CCDC192: variants seen among roughly 807,000 people sequenced by gnomAD.
CCDC192 encodes the protein coiled-coil domain containing 192, also known as coiled-coil domain-containing protein 192.
At chr5:127,875,988 G>C (rs1301621527) in intron 6 of CCDC192, among the ~76,000 whole-genome samples, 6 of 151,872 alleles carry the variant, frequency 4.0e-5, no homozygotes, top group Non-Finnish European at 8.8e-5. Flanking sequence ...GTGCCTGCAG[G>C]GACTGAGCTC....
chr5:127,845,286 G>A (rs1269619713), intron 5 of CCDC192, among the ~76,000 whole-genome samples: 1 of 152,134 alleles, frequency 6.6e-6, no homozygotes, highest in African/African-American at 2.4e-5. Context: ...AGTGAGAGTG[G>A]GCCGCCCTTT....
At chr5:127,793,741 T>C (rs187855506) in intron 3 of CCDC192, among the ~76,000 whole-genome samples, 2 of 152,364 alleles carry the variant, frequency 1.3e-5, no homozygotes, top group South Asian at 2.1e-4. Flanking sequence ...GCAGAATGCC[T>C]AGTATACTAT....
At chr5:127,773,910 C>A (rs1755705176) in intron 3 of CCDC192, among the ~76,000 whole-genome samples, 1 of 152,146 alleles carries the variant, frequency 6.6e-6, no homozygotes, top group African/African-American at 2.4e-5. Flanking sequence ...TTCTCCATAT[C>A]CTCAGCAACA....
At chr5:127,827,286 C>A (rs1281267087) in intron 5 of CCDC192, among the ~76,000 whole-genome samples, 1 of 152,144 alleles carries the variant, frequency 6.6e-6, no homozygotes, top group Non-Finnish European at 1.5e-5. Context: ...CAGTAGGCAC[C>A]AAGTACCCAT....
intron 6 of CCDC192, among the ~76,000 whole-genome samples, chr5:127,891,584 A>G (rs1752733915): frequency 6.6e-6 from 1 of 152,176 alleles, no homozygotes; most frequent in Non-Finnish European, 1.5e-5. Context: ...TATTTGCCTC[A>G]TCTCATGCAT....
chr5:127,779,223 A>G (rs1440179252), intron 3 of CCDC192, among the ~76,000 whole-genome samples: 1 of 152,180 alleles, frequency 6.6e-6, no homozygotes, highest in Non-Finnish European at 1.5e-5. Flanking sequence ...TCTGCATCAC[A>G]TAAGTTTTTT....
intron 6 of CCDC192, among the ~76,000 whole-genome samples, chr5:127,924,438 A>G (rs573720055): frequency 1.3e-4 from 20 of 152,326 alleles, no homozygotes; most frequent in South Asian, 8.3e-4. Context: ...CGTGCTGCCA[A>G]TTCCTAAGAT....
intron 2 of CCDC192, among the ~76,000 whole-genome samples, chr5:127,722,234 G>A (rs1022855538): frequency 5.9e-5 from 9 of 151,864 alleles, no homozygotes; most frequent in South Asian, 2.1e-4. Flanking sequence ...GCACTTCTTC[G>A]TATGGCTGTT....
chr5:127,847,854 T>TAAATAAAG (rs1750630126), intron 5 of CCDC192, among the ~76,000 whole-genome samples: 1 of 150,430 alleles, frequency 6.6e-6, no homozygotes, highest in East Asian at 2.0e-4. Flanking sequence ...AATAAATAAA[T>TAAATAAAG]ACATAAATAA....
chr5:127,880,023 A>C (rs1489567270), intron 6 of CCDC192, among the ~76,000 whole-genome samples: 1 of 152,182 alleles, frequency 6.6e-6, no homozygotes, highest in Non-Finnish European at 1.5e-5. Context: ...TGTGGAAGTC[A>C]GTGTGGCGAT....
chr5:127,847,844 A>AATAAATAAATAAATAC (rs1554080657), intron 5 of CCDC192, among the ~76,000 whole-genome samples: 35 of 151,198 alleles, frequency 2.3e-4, no homozygotes, highest in Middle Eastern at 3.4e-3. Context: ...TAAATAAATA[A>AATAAATAAATAAATAC]ATAAATAAAT....
rs375414722 is a variant in CCDC192 at position 127,941,108 on chromosome 5, T to C, written c.536-74T>C. ...TAAGAACGTGAGAAATGAAGCTTTTTCATTTTTCCTTGCTTTGACTTCTGG... is the reference window on the plus strand; with the variant it reads ...TAAGAACGTGAGAAATGAAGCTTTTCCATTTTTCCTTGCTTTGACTTCTGG... On this transcript the variant is annotated intron_variant, in intron 6 of 6. Coordinates refer to ENST00000514853, the MANE Select transcript of CCDC192 (RefSeq NM_001317938.2). 87 of 398,642 alleles carry C rather than the reference T, an allele frequency of 2.2e-4. No individual in the cohort carries two copies. In the South Asian group the frequency reaches 0.011, roughly 48 times the overall value. 24.7% of individuals were successfully genotyped at this position (398,642 alleles called of 1,614,324 possible).
At chr5:127,719,528 CACAT>C (rs1208126299) in intron 2 of CCDC192, among the ~76,000 whole-genome samples, 1 of 51,550 alleles carries the variant, frequency 1.9e-5, no homozygotes, top group Non-Finnish European at 3.4e-5. Context: ...TATATATACA[CACAT>C]ACATATATAT....
chr5:127,737,677 T>C (rs1000402039), intron 2 of CCDC192, among the ~76,000 whole-genome samples: 10 of 151,884 alleles, frequency 6.6e-5, no homozygotes, highest in Non-Finnish European at 8.8e-5. Flanking sequence ...CCCTTTACCA[T>C]TATGTAATGG....
At chr5:127,739,408 G>A (rs1174558753) in intron 2 of CCDC192, 3 of 152,252 alleles carry the variant, frequency 2.0e-5, no homozygotes, top group African/African-American at 7.2e-5. Flanking sequence ...GCCCCCAGGG[G>A]TGGAGCCTAC....
At chr5:127,767,550 A>G (rs1044876086) in intron 3 of CCDC192, among the ~76,000 whole-genome samples, 2 of 151,858 alleles carry the variant, frequency 1.3e-5, no homozygotes, top group Admixed American at 6.6e-5. Context: ...TTGCTTTTTG[A>G]CCTTTACCTT....
At chr5:127,927,553 T>G (rs1753896135) in intron 6 of CCDC192, among the ~76,000 whole-genome samples, 2 of 152,176 alleles carry the variant, frequency 1.3e-5, no homozygotes, top group Non-Finnish European at 2.9e-5. Context: ...TGAAAAGGCA[T>G]TAAGTAGCTT....
Position 127,835,207 on chromosome 5 carries a change from CAAAT to C in CCDC192, c.411+37050_411+37053del, listed in dbSNP as rs1398400237. Reference sequence around the variant, plus strand: ...AAATTTTACAGGAAATTTACATTCTCAAATAAATGTTATATTTATTGAAATTAAA... The same window carrying C: ...AAATTTTACAGGAAATTTACATTCTCAAATGTTATATTTATTGAAATTAAA... On this transcript the variant is annotated intron_variant, in intron 5 of 6. Transcript: ENST00000514853. Among the ~76,000 whole-genome samples the C allele has an allele frequency of 1.2e-4, 18 of 152,234 alleles. 1 individual carries two copies. In the South Asian group the frequency reaches 3.5e-3, roughly 30 times the overall value.
intron 1 of CCDC192, among the ~76,000 whole-genome samples, chr5:127,706,913 G>A (rs761444809): frequency 6.6e-6 from 1 of 152,196 alleles, no homozygotes; most frequent in African/African-American, 2.4e-5. Flanking sequence ...GGATGAGTAA[G>A]CCAAGTGGAT....
Sources: gnomAD v4.1 joint callset for allele counts (sites outside exome capture counted in the v4.1 genomes callset) on GRCh38, gnomAD v4.1.1 for gene constraint, MANE v1.5 for transcripts, NCBI Gene and HGNC (gene_info 2026-07-23, HGNC 2026-07-21) for gene names.